Variants in ARHGEF18 observed in about 807,000 individuals in gnomAD.
ARHGEF18 encodes the protein rho guanine nucleotide exchange factor 18.
A neutral mutation model predicts 155.7 loss-of-function variants in ARHGEF18; 93 were observed. The observed-to-expected ratio is 0.60, with a 90% CI of 0.50 to 0.71. The LOEUF (loss-of-function observed/expected upper bound fraction) is 0.71, where lower values mean the gene tolerates loss of function less well. Ranked by LOEUF, ARHGEF18 falls within the 30% of genes least tolerant of loss-of-function variation. ARHGEF18 has a pLI of 0.00. For synonymous variants in ARHGEF18, 742 were observed against 753.1 expected (o/e 0.99, Z 0.24); for missense variants, 1,593 against 1,816.1 (o/e 0.88, Z 2.23).
the ARHGEF18 span, among the ~76,000 whole-genome samples, chr19:7,478,016 T>C: frequency 1.3e-5 from 2 of 152,344 alleles, no homozygotes; most frequent in East Asian, 3.9e-4. Context: ...AGCAAGACCC[T>C]GTCTCAAAAA....
intron 10 of ARHGEF18, among the ~76,000 whole-genome samples, chr19:7,412,603 G>A (rs1038205258): frequency 4.6e-5 from 7 of 151,712 alleles, no homozygotes; most frequent in Non-Finnish European, 2.9e-5. Flanking sequence ...GTAGCCGGGC[G>A]TGGTGGCAGG....
chr19:7,393,235 A>C (rs1306985436), intron 10 of ARHGEF18, among the ~76,000 whole-genome samples: 1 of 152,044 alleles, frequency 6.6e-6, no homozygotes, highest in Non-Finnish European at 1.5e-5. Flanking sequence ...AATTCCCTGA[A>C]CATGCTCCCT....
chr19:7,410,653 T>TA (rs759181491), intron 10 of ARHGEF18, among the ~76,000 whole-genome samples: 6 of 151,034 alleles, frequency 4.0e-5, no homozygotes, highest in Non-Finnish European at 7.4e-5. Context: ...CTACTAAAAA[T>TA]AAAAAAATTA....
At chr19:7,429,496 G>A (rs1309665853) in intron 10 of ARHGEF18, among the ~76,000 whole-genome samples, 2 of 152,112 alleles carry the variant, frequency 1.3e-5, no homozygotes, top group African/African-American at 2.4e-5. Flanking sequence ...CCAGCTACTC[G>A]GGAGGCTTAG....
chr19:7,370,900 C>CTTTT (rs111574229), intron 2 of ARHGEF18, among the ~76,000 whole-genome samples: 1 of 145,582 alleles, frequency 6.9e-6, no homozygotes, highest in African/African-American at 2.6e-5. Flanking sequence ...CCACACCCCG[C>CTTTT]TTTTTTTTTT....
the ARHGEF18 span, chr19:7,478,177 C>A: frequency 1.1e-6 from 1 of 893,862 alleles, no homozygotes; most frequent in South Asian, 1.6e-5. Context: ...CCGCCACCCA[C>A]CAGAGGCTGT....
chr19:7,468,801 A>C, intron 26 of ARHGEF18, 24 bp from the exon 27 acceptor site: 1 of 1,513,954 alleles, frequency 6.6e-7, no homozygotes, highest in Non-Finnish European at 8.9e-7. Context: ...CTCACATTGG[A>C]TGTATCTGCT....
At chr19:7,465,958 C>T (rs988612318) in intron 23 of ARHGEF18, among the ~76,000 whole-genome samples, 2 of 151,810 alleles carry the variant, frequency 1.3e-5, no homozygotes, top group Non-Finnish European at 1.5e-5. Context: ...GTGGTGGATA[C>T]CTGTAATCCC....
At chr19:7,384,755 G>C (rs1300583439) in intron 10 of ARHGEF18, among the ~76,000 whole-genome samples, 2 of 150,602 alleles carry the variant, frequency 1.3e-5, no homozygotes, top group African/African-American at 4.9e-5. Flanking sequence ...GCAATGGTGT[G>C]ATCTCAGCAT....
At chr19:7,422,812 A>C (rs1190459530) in intron 10 of ARHGEF18, among the ~76,000 whole-genome samples, 1 of 137,984 alleles carries the variant, frequency 7.2e-6, no homozygotes, top group Non-Finnish European at 1.5e-5. Flanking sequence ...TCCACCTCCC[A>C]GGTTCAAGCA....
chr19:7,462,130 C>T lies in ARHGEF18; in HGVS notation c.2453-22C>T. 3 of 1,613,576 alleles carry T rather than the reference C, an allele frequency of 1.9e-6. No homozygotes were observed. The highest frequency in any genetic ancestry group is 2.5e-6 in the Non-Finnish European group (3 of 1,179,978). ...AGGGAAGGCCGACCCGGCTGACTGC[C>T]ACCTCCACCATCACTCTGCAGAGCG... On this transcript the variant is annotated intron_variant, in intron 20 of 28. Transcript: ENST00000668164. The surrounding 1 kb of genome is among the most constrained non-coding windows in gnomAD (Gnocchi z 4.4).
At chr19:7,373,148 TCCTAAGACAAGCCACC>T in intron 3 of ARHGEF18, 77 bp downstream of exon 3, 1 of 1,231,958 alleles carries the variant, frequency 8.1e-7, no homozygotes, top group Non-Finnish European at 1.0e-6. Flanking sequence ...CAGAGCCAGG[TCCTAAGACAAGCCACC>T]CCTTGCACCT....
At chr19:7,439,842 T>A in intron 10 of ARHGEF18, 1 of 1,442,622 alleles carries the variant, frequency 6.9e-7, no homozygotes, top group South Asian at 1.5e-5. Flanking sequence ...GCTCACTTGC[T>A]TTTTACACCC....
Position 7,366,631 on chromosome 19 carries a change from G to A in ARHGEF18, c.15+3726G>A, listed in dbSNP as rs991106001. ...ACCTTCTATCATTCTTGACTATAACGGTTTGGCTTAATCATCTATCTTCTC... is the reference window on the plus strand; with the variant it reads ...ACCTTCTATCATTCTTGACTATAACAGTTTGGCTTAATCATCTATCTTCTC... On this transcript the variant is annotated intron_variant, in intron 2 of 28. Coordinates refer to ENST00000668164, the MANE Select transcript of ARHGEF18 (RefSeq NM_001367823.1). Among the ~76,000 whole-genome samples the A allele has an allele frequency of 1.4e-4, 21 of 152,168 alleles. 1 individual carries two copies. The highest frequency in any genetic ancestry group is 9.2e-4 in the Admixed American group (14 of 15,278).
chr19:7,399,775 T>C (rs1052421491), intron 10 of ARHGEF18, among the ~76,000 whole-genome samples: 1 of 146,160 alleles, frequency 6.8e-6, no homozygotes, highest in African/African-American at 2.5e-5. Context: ...CACCACGCCT[T>C]TTTTTTTTTT....
At chr19:7,356,769 G>A (rs896548616) in intron 1 of ARHGEF18, among the ~76,000 whole-genome samples, 1 of 152,178 alleles carries the variant, frequency 6.6e-6, no homozygotes, top group Non-Finnish European at 1.5e-5. Context: ...CAGCCGCATC[G>A]CTTAGCCTGC....
At chr19:7,363,310 G>C (rs1969709454) in intron 2 of ARHGEF18, among the ~76,000 whole-genome samples, 1 of 151,896 alleles carries the variant, frequency 6.6e-6, no homozygotes, top group Non-Finnish European at 1.5e-5. Flanking sequence ...AGGAAAGATG[G>C]GTAGAAGTGT....
At chr19:7,437,639 C>CT (rs748609658) in intron 10 of ARHGEF18, among the ~76,000 whole-genome samples, 8 of 68,732 alleles carry the variant, frequency 1.2e-4, no homozygotes, top group African/African-American at 2.4e-4. Context: ...GATCAGATTT[C>CT]TTTTTTTTTT....
At chr19:7,478,480 G>A in the ARHGEF18 span, 73 of 1,230,192 alleles carry the variant, frequency 5.9e-5, no homozygotes, top group Admixed American at 1.6e-4. Flanking sequence ...GCTGCATCTC[G>A]GATAAACGGC....
Sources: gnomAD v4.1 joint callset for allele counts (sites outside exome capture counted in the v4.1 genomes callset) on GRCh38, gnomAD v4.1.1 for gene constraint, Gnocchi (gnomAD v3.1) non-coding constraint, MANE v1.5 for transcripts, NCBI Gene and HGNC (gene_info 2026-07-23, HGNC 2026-07-21) for gene names.